Variants in WDR33 observed in about 807,000 individuals in gnomAD.
The protein encoded by WDR33 is pre-mRNA 3' end processing protein WDR33.
A neutral mutation model predicts 164.9 loss-of-function variants in WDR33; 47 were observed. The observed-to-expected ratio is 0.29, with a 90% confidence interval of 0.23 to 0.36. The LOEUF is 0.36. Among genes scored for constraint, WDR33 ranks in the 10% least tolerant of loss-of-function variants. WDR33 has a pLI of 1.00. For synonymous variants in WDR33, 505 were observed against 589.0 expected (o/e 0.86, Z 2.06); for missense variants, 1,137 against 1,754.1 (o/e 0.65, Z 6.28).
chr2:127,706,907 G>T lies in WDR33; in HGVS notation c.3782-355C>A, dbSNP rs535823356. Among the ~76,000 whole-genome samples the T allele has an allele frequency of 5.3e-5, 8 of 152,352 alleles. No homozygotes were observed. Among genetic ancestry groups the T allele is most frequent in the Non-Finnish European group, 8.8e-5 (6 of 68,034 alleles). ...TATCTGCCTGCTCCCAGCCACCAGGGTATATTGAGGGAAGGTTTGAATATA... is the reference window on the plus strand; with the variant it reads ...TATCTGCCTGCTCCCAGCCACCAGGTTATATTGAGGGAAGGTTTGAATATA... On this transcript the variant is annotated intron_variant, in intron 21 of 21. Transcript: ENST00000322313. The surrounding 1 kb of genome is among the most constrained non-coding windows in gnomAD (Gnocchi z 5.1).
rs1686348270 is a variant in WDR33 at position 127,718,456 on chromosome 2, T to C, written c.2760+809A>G. 6.6e-6 allele frequency among the ~76,000 whole-genome samples: 1 copy of C among 152,002 alleles called. No homozygotes were observed. The highest frequency in any genetic ancestry group is 6.6e-5 in the Admixed American group (1 of 15,266). On this transcript the variant is annotated intron_variant, in intron 16 of 21. Coordinates refer to ENST00000322313, the MANE Select transcript of WDR33 (RefSeq NM_018383.5). The surrounding 1 kb of genome is among the most constrained non-coding windows in gnomAD (Gnocchi z 4.4). ...GCATAAAATGCACATAGCTGAGCAG[T>C]ATTACATCTATTTATGCTCATGCAA...
chr2:127,777,568 A>G (rs1436659181), intron 1 of WDR33, among the ~76,000 whole-genome samples: 2 of 152,262 alleles, frequency 1.3e-5, no homozygotes, highest in Non-Finnish European at 2.9e-5. Context: ...ACTATTGAAC[A>G]GAATGGAACA....
At position 127,726,699 on chromosome 2, in the gene WDR33, T is replaced by A; in HGVS notation, c.803A>T (p.Gln268Leu). The A allele has an allele frequency of 6.2e-7, 1 of 1,614,262 alleles. No homozygotes were observed. The highest frequency in any genetic ancestry group is 8.5e-7 in the Non-Finnish European group (1 of 1,180,046). ...CTTGGGATCCCAGAACTTGATTGGC[T>A]GTTGACTATCTTTACTTCCTGAAAC... Reference protein sequence around the residue: ...LVVSGSKDSQQPIKFWDPKTG... With the variant: ...LVVSGSKDSQLPIKFWDPKTG... Residue 268 changes from glutamine to leucine, a missense_variant, in exon 8 of 22, where the codon CAG (glutamine) becomes CTG (leucine). Coordinates refer to ENST00000322313, the MANE Select transcript of WDR33 (RefSeq NM_018383.5). The surrounding 1 kb of genome is among the most constrained non-coding windows in gnomAD (Gnocchi z 4.8).
rs566599614 is a variant in WDR33, at chr2:127,722,862, A to G, written c.1378+96T>C. On this transcript the variant is annotated intron_variant, in intron 13 of 21. Transcript: ENST00000322313. This position sits in a 1 kb window ranked among gnomAD's most constrained non-coding sequence, Gnocchi z 5.1. ...ATAATTTTTATCAACATTTCTCAAC[A>G]TAAATCATTTTGGTATTTCAATATA... 15 of 1,415,258 alleles carry G rather than the reference A, an allele frequency of 1.1e-5. No individual in the cohort carries two copies. The African/African-American group carries it at 2.2e-4, about 21-fold the overall frequency. 87.7% of individuals were successfully genotyped at this position (1,415,258 alleles called of 1,614,324 possible).
intron 7 of WDR33, among the ~76,000 whole-genome samples, chr2:127,727,500 G>C (rs1264436835): frequency 6.6e-6 from 1 of 151,980 alleles, no homozygotes; most frequent in Non-Finnish European, 1.5e-5. Context: ...GGCTGGAAGG[G>C]TTAAATAACA....
rs1340728748 is a variant in WDR33, at chr2:127,702,821, A to C, written c.*3502T>G. 1 of 166,928 alleles carries C rather than the reference A, an allele frequency of 6.0e-6. No individual in the cohort carries two copies. The highest frequency in any genetic ancestry group is 2.4e-5 in the African/African-American group (1 of 41,462). 10.3% of individuals were successfully genotyped at this position (166,928 alleles called of 1,614,324 possible). A position where few individuals can be genotyped will look rare whatever the true frequency, so the allele number is the denominator to read the frequency against. On this transcript the variant is annotated 3_prime_UTR_variant, in exon 22 of 22. Coordinates refer to ENST00000322313, the MANE Select transcript of WDR33 (RefSeq NM_018383.5). The stretch of plus-strand genomic sequence containing the variant: ...CACGACGAAAGCGACGGACCAAAAG[A>C]AATTTCCTGCCCCAAGAAGCATGGG...
chr2:127,706,173 G>A lies in WDR33; in HGVS notation c.*150C>T. On this transcript the variant is annotated 3_prime_UTR_variant, in exon 22 of 22. Transcript: ENST00000322313. This position sits in a 1 kb window ranked among gnomAD's most constrained non-coding sequence, Gnocchi z 5.1. ...TAGCTGGCAGCAGTCTCTTCATCTT[G>A]AAGACCTCATTGAGGGTTCCTGGGA... The A allele has an allele frequency of 4.7e-6, 3 of 632,592 alleles. No individual in the cohort carries two copies. Among genetic ancestry groups the A allele is most frequent in the Non-Finnish European group, 7.3e-6 (3 of 409,526 alleles). 39.2% of individuals were successfully genotyped at this position (632,592 alleles called of 1,614,324 possible). A position where few individuals can be genotyped will look rare whatever the true frequency, so the allele number is the denominator to read the frequency against.
In WDR33 at chr2:127,764,230, C is replaced by A; in HGVS notation, c.626+598G>T. On this transcript the variant is annotated intron_variant, in intron 6 of 21. Coordinates refer to ENST00000322313, the MANE Select transcript of WDR33 (RefSeq NM_018383.5). This position sits in a 1 kb window ranked among gnomAD's most constrained non-coding sequence, Gnocchi z 6.2. ...ATAAGTGATGTTATCAACAGTGAAT[C>A]AGAAGAAAAGTCCTAGAGTCTTCTT... The A allele has an allele frequency of 8.9e-7, 1 of 1,123,036 alleles. No homozygotes were observed. Among genetic ancestry groups the A allele is most frequent in the Non-Finnish European group, 1.1e-6 (1 of 918,996 alleles). 69.6% of individuals were successfully genotyped at this position (1,123,036 alleles called of 1,614,324 possible). A position where few individuals can be genotyped will look rare whatever the true frequency, so the allele number is the denominator to read the frequency against.
intron 1 of WDR33, among the ~76,000 whole-genome samples, chr2:127,785,069 G>T (rs974215711): frequency 1.3e-5 from 2 of 152,102 alleles, no homozygotes; most frequent in Non-Finnish European, 2.9e-5. Context: ...TGAATCAACA[G>T]GTTGCCTCCA....
At chr2:127,792,504 TA>T (rs992645742) in intron 1 of WDR33, among the ~76,000 whole-genome samples, 1 of 151,082 alleles carries the variant, frequency 6.6e-6, no homozygotes, top group African/African-American at 2.4e-5. Flanking sequence ...CTACTAAAAA[TA>T]AAAAAATTAG....
chr2:127,728,680 G>A (rs1004897690), intron 7 of WDR33, among the ~76,000 whole-genome samples: 1 of 152,064 alleles, frequency 6.6e-6, no homozygotes, highest in African/African-American at 2.4e-5. Context: ...CCCCTGAAAA[G>A]GTAGGGAATT....
At chr2:127,732,998 T>C (rs1178893332) in intron 7 of WDR33, among the ~76,000 whole-genome samples, 1 of 152,162 alleles carries the variant, frequency 6.6e-6, no homozygotes, top group Non-Finnish European at 1.5e-5. Flanking sequence ...ATTCCAAGAA[T>C]GTAGTGTTTG....
intron 7 of WDR33, among the ~76,000 whole-genome samples, chr2:127,733,089 G>A (rs897638044): frequency 6.6e-6 from 1 of 152,158 alleles, no homozygotes; most frequent in Non-Finnish European, 1.5e-5. Flanking sequence ...AGACGTTATA[G>A]TACTAAAAAC....
Position 127,719,912 on chromosome 2 carries a change from T to C in WDR33, c.2113A>G (p.Met705Val). 1 of 1,613,792 alleles carries C rather than the reference T, an allele frequency of 6.2e-7. No individual in the cohort carries two copies. ...PQGSSGPQGH[M>V]GPQGPPGPQG... ...GGGCCAGGTGGACCCTGAGGACCCATATGACCTTGAGGACCAGAACTACCT... is the reference window on the plus strand; with the variant it reads ...GGGCCAGGTGGACCCTGAGGACCCACATGACCTTGAGGACCAGAACTACCT... The change falls in exon 16 of 22, where the codon ATG becomes GTG. Residue 705 changes from methionine (M) to valine (V), a missense_variant. This residue lies in a region of WDR33 where 867 missense variants were observed against 1,073.0 expected (regional missense o/e 0.81). Transcript: ENST00000322313. This position sits in a 1 kb window ranked among gnomAD's most constrained non-coding sequence, Gnocchi z 6.5.
At chr2:127,772,998 T>C (rs896225243) in intron 1 of WDR33, among the ~76,000 whole-genome samples, 1 of 151,108 alleles carries the variant, frequency 6.6e-6, no homozygotes, top group Non-Finnish European at 1.5e-5. Flanking sequence ...TAGCCCAGTG[T>C]GCTGGTGCGC....
chr2:127,766,247 C>G lies in WDR33; in HGVS notation c.379-978G>C, dbSNP rs531303932. 2.0e-5 allele frequency among the ~76,000 whole-genome samples: 3 copies of G among 152,212 alleles called. No individual in the cohort carries two copies. The South Asian group carries it at 6.2e-4, about 32-fold the overall frequency. Reference sequence around the variant, plus strand: ...TATACAAAATGGCAATACAACAATCCTATTTTCCAAAAACTCCGACAAAGT... The same window carrying G: ...TATACAAAATGGCAATACAACAATCGTATTTTCCAAAAACTCCGACAAAGT... On this transcript the variant is annotated intron_variant, in intron 4 of 21. Coordinates refer to ENST00000322313, the MANE Select transcript of WDR33 (RefSeq NM_018383.5).
chr2:127,802,470 T>C (rs2104682401), intron 1 of WDR33, among the ~76,000 whole-genome samples: 1 of 152,036 alleles, frequency 6.6e-6, no homozygotes, highest in Admixed American at 6.6e-5. Flanking sequence ...TTAGTAGAGA[T>C]GGGGTTTCAC....
At chr2:127,758,975 T>C (rs954039653) in intron 7 of WDR33, among the ~76,000 whole-genome samples, 2 of 152,212 alleles carry the variant, frequency 1.3e-5, no homozygotes, top group African/African-American at 4.8e-5. Context: ...TGTGTAAACA[T>C]AACCTATAGG....
At chr2:127,801,260 G>A (rs562797442) in intron 1 of WDR33, among the ~76,000 whole-genome samples, 120 of 152,254 alleles carry the variant, frequency 7.9e-4, no homozygotes, top group African/African-American at 2.7e-3. Context: ...TCCAGCAGGG[G>A]TAACAGAAGG....
Sources: allele counts gnomAD v4.1 joint callset (sites outside exome capture counted in the v4.1 genomes callset), GRCh38; gene constraint gnomAD v4.1.1; regional missense constraint gnomAD v4.1.1; non-coding constraint Gnocchi (gnomAD v3.1); transcripts MANE v1.5; gene names NCBI Gene and HGNC (gene_info 2026-07-23, HGNC 2026-07-21).